Variants in TRIM7 observed in about 807,000 individuals in gnomAD.
TRIM7 encodes tripartite motif containing 7, also known as E3 ubiquitin-protein ligase TRIM7.
TRIM7 carries 32 observed loss-of-function variants against 37.9 expected under a neutral mutation model. That is an observed-to-expected ratio of 0.84 (90% CI 0.64 to 1.13). The LOEUF (loss-of-function observed/expected upper bound fraction) is 1.13, where lower values mean the gene tolerates loss of function less well. TRIM7 is among the 50% of genes most tolerant of loss of function. The pLI is 0.00. For synonymous variants in TRIM7, 351 were observed against 321.3 expected (o/e 1.09, Z -0.99); for missense variants, 732 against 714.0 (o/e 1.03, Z -0.29).
Position 181,199,832 on chromosome 5 carries a change from C to T in TRIM7, c.849+19G>A. 1 of 1,606,790 alleles carries T rather than the reference C, an allele frequency of 6.2e-7. No individual in the cohort carries two copies. Among genetic ancestry groups the T allele is most frequent in the Non-Finnish European group, 8.5e-7 (1 of 1,176,176 alleles). Reference sequence around the variant, plus strand: ...GCCTTAGGATAAATGACTCGAGCCCCTGGCTGAGCCAGACTTACCTGGAGA... The same window carrying T: ...GCCTTAGGATAAATGACTCGAGCCCTTGGCTGAGCCAGACTTACCTGGAGA... On this transcript the variant is annotated intron_variant, in intron 3 of 6. Transcript: ENST00000274773.
chr5:181,195,747 C>T, intron 6 of TRIM7, 70 bp from the exon 7 acceptor site: 1 of 1,490,868 alleles, frequency 6.7e-7, no homozygotes, highest in Non-Finnish European at 8.9e-7. Flanking sequence ...CAGGGCCGCG[C>T]CCGACCTTGC....
intron 1 of TRIM7, chr5:181,204,069 T>A: frequency 2.0e-6 from 2 of 997,910 alleles, no homozygotes; most frequent in Non-Finnish European, 2.4e-6. Flanking sequence ...GCCCCCAGAA[T>A]CGACAGCGTT....
Position 181,205,150 on chromosome 5 carries a change from G to C in TRIM7, c.-40C>G. On this transcript the variant is annotated 5_prime_UTR_variant, in exon 1 of 7. Transcript: ENST00000274773. The stretch of plus-strand genomic sequence containing the variant: ...CACCCAGATCTGGTCGCGCCTGGGC[G>C]GCCACTGGACCTCACAGGACGCGGA... 1.6e-6 allele frequency: 2 copies of C among 1,282,322 alleles called. No homozygotes were observed. The highest frequency in any genetic ancestry group is 3.1e-5 in the African/African-American group (2 of 64,696). 79.4% of individuals were successfully genotyped at this position (1,282,322 alleles called of 1,614,324 possible).
chr5:181,204,318 A>G (rs1201869320), intron 1 of TRIM7: 1 of 1,170,284 alleles, frequency 8.5e-7, no homozygotes, highest in Admixed American at 4.6e-5. Context: ...GAACATCGCC[A>G]AGTCCGTGGG....
chr5:181,200,498 T>C (rs1757416110), intron 2 of TRIM7: 1 of 1,082,642 alleles, frequency 9.2e-7, no homozygotes, highest in Non-Finnish European at 1.1e-6. Context: ...CCTCAAACTT[T>C]TACACTTCAC....
At position 181,195,306 on chromosome 5, in the gene TRIM7, C is replaced by T. The variant is rs145317232; in HGVS notation, c.1396G>A (p.Asp466Asn). ...AAGGACACGGCTCCCACCTCCAGGTCCAGGGCCACCCGCACGCGCGACAGG... is the reference window on the plus strand; with the variant it reads ...AAGGACACGGCTCCCACCTCCAGGTTCAGGGCCACCCGCACGCGCGACAGG... ...GHLSRVRVAL[D>N]LEVGAVSFYA... Residue 466 changes from aspartate to asparagine, a missense_variant, in exon 7 of 7, where the codon GAC becomes AAC. By Grantham distance (23) the Asp-to-Asn change is conservative. Transcript: ENST00000274773. 1 of 1,600,200 alleles carries T rather than the reference C, an allele frequency of 6.2e-7. No individual in the cohort carries two copies. Among genetic ancestry groups the T allele is most frequent in the Non-Finnish European group, 8.5e-7 (1 of 1,173,930 alleles).
At position 181,198,673 on chromosome 5, in the gene TRIM7, G is replaced by A. The variant is rs755343190; in HGVS notation, c.988+17C>T. ...ACCACCGCACTATGTGGCCCAGCTT[G>A]GCGCCCAGGCCCCTACCTTTGAACT... On this transcript the variant is annotated intron_variant, in intron 5 of 6. Coordinates refer to ENST00000274773, the MANE Select transcript of TRIM7 (RefSeq NM_203293.3). 2 of 1,584,266 alleles carry A rather than the reference G, an allele frequency of 1.3e-6. No homozygotes were observed. Among genetic ancestry groups the A allele is most frequent in the African/African-American group, 2.7e-5 (2 of 74,350 alleles).
intron 6 of TRIM7, chr5:181,196,589 T>G (rs936496973): frequency 6.6e-6 from 1 of 152,072 alleles, no homozygotes; most frequent in African/African-American, 2.4e-5. Flanking sequence ...TGGTGTCCTG[T>G]GCCTGTAATT....
intron 2 of TRIM7, 92 bp downstream of exon 2, chr5:181,203,453 C>G (rs746207201): frequency 6.4e-7 from 1 of 1,567,788 alleles, no homozygotes; most frequent in Non-Finnish European, 8.6e-7. Context: ...GGTTCCATAG[C>G]ACACACTCCA....
chr5:181,202,659 C>CG (rs1252523321), intron 2 of TRIM7: 1 of 151,576 alleles, frequency 6.6e-6, no homozygotes, highest in Non-Finnish European at 1.5e-5. Flanking sequence ...CTCTGCCTCC[C>CG]GGGTTCACAC....
Position 181,204,815 on chromosome 5 carries a change from A to G in TRIM7, c.296T>C (p.Val99Ala), listed in dbSNP as rs1757722721. The change falls in exon 1 of 7, where the codon GTG becomes GCG. Residue 99 changes from valine to alanine, a missense_variant. Coordinates refer to ENST00000274773, the MANE Select transcript of TRIM7 (RefSeq NM_203293.3). ...QLRPNRQLAA[V>A]ATLLRRFSLP... ...GCTGAAGCGCCGCAGGAGCGTGGCCACTGCCGCCAGCTGCCGGTTGGGCCG... is the reference window on the plus strand; with the variant it reads ...GCTGAAGCGCCGCAGGAGCGTGGCCGCTGCCGCCAGCTGCCGGTTGGGCCG... 3 of 1,392,154 alleles carry G rather than the reference A, an allele frequency of 2.2e-6. No individual in the cohort carries two copies. Among genetic ancestry groups the G allele is most frequent in the Non-Finnish European group, 2.8e-6 (3 of 1,080,350 alleles). 86.2% of individuals were successfully genotyped at this position (1,392,154 alleles called of 1,614,324 possible). A position where few individuals can be genotyped will look rare whatever the true frequency, so the allele number is the denominator to read the frequency against.
Position 181,194,638 on chromosome 5 carries a change from C to T in TRIM7, c.*528G>A, listed in dbSNP as rs139664372. The T allele has an allele frequency of 1.3e-5, 2 of 152,904 alleles. No homozygotes were observed. Among genetic ancestry groups the T allele is most frequent in the African/African-American group, 4.8e-5 (2 of 41,608 alleles). 9.5% of individuals were successfully genotyped at this position (152,904 alleles called of 1,614,324 possible). On this transcript the variant is annotated 3_prime_UTR_variant, in exon 7 of 7. Transcript: ENST00000274773. The stretch of plus-strand genomic sequence containing the variant: ...TGTCTCCTTCCAGTTCTGGCCCAGA[C>T]TGTCCTCTGAGCTGGGAGCACAGGG...
chr5:181,196,743 G>A (rs1454598520), intron 6 of TRIM7: 1 of 152,228 alleles, frequency 6.6e-6, no homozygotes, highest in East Asian at 1.9e-4. Flanking sequence ...CCCACAGGAA[G>A]TGGATAGCAG....
At chr5:181,201,192 G>C (rs1757464538) in intron 2 of TRIM7, among the ~76,000 whole-genome samples, 1 of 152,196 alleles carries the variant, frequency 6.6e-6, no homozygotes. Context: ...GTTGTAGGGG[G>C]CTGCCCTGTG....
At position 181,195,367 on chromosome 5, in the gene TRIM7, C is replaced by T; in HGVS notation, c.1335G>A (p.Val445=). 6.3e-7 allele frequency: 1 copy of T among 1,579,942 alleles called. No homozygotes were observed. The highest frequency in any genetic ancestry group is 1.3e-5 in the African/African-American group (1 of 74,202). ...LQLNGGQYWA[V]TSPERSPLSC... ...TGAGGGGCGACCGCTCGGGGCTGGTCACGGCCCAGTACTGGCCGCCGTTGA... is the reference window on the plus strand; with the variant it reads ...TGAGGGGCGACCGCTCGGGGCTGGTTACGGCCCAGTACTGGCCGCCGTTGA... Residue 445 remains valine (V), a synonymous_variant, in exon 7 of 7, where the codon GTG becomes GTA. Transcript: ENST00000274773.
chr5:181,198,253 C>T (rs372052282), intron 5 of TRIM7, 35 bp from the exon 6 acceptor site: 55 of 1,611,726 alleles, frequency 3.4e-5, no homozygotes, highest in Admixed American at 3.2e-4. Flanking sequence ...CGTGCATGAG[C>T]GACACGGGAG....
rs145158090 is a variant in TRIM7, at chr5:181,200,387, C to A, written c.619-306G>T. On this transcript the variant is annotated intron_variant, in intron 2 of 6. Coordinates refer to ENST00000274773, the MANE Select transcript of TRIM7 (RefSeq NM_203293.3). ...CCAGAACTACGCCAAGCTGCAGCTT[C>A]CTCACTTGAAAAGCAGAAGGGATAA... 8.9e-5 allele frequency: 123 copies of A among 1,375,514 alleles called. 1 individual carries two copies. In the African/African-American group the frequency reaches 1.3e-3, roughly 15 times the overall value. 85.2% of individuals were successfully genotyped at this position (1,375,514 alleles called of 1,614,324 possible).
rs1226515115 is a variant in TRIM7, at chr5:181,194,839, T to C, written c.*327A>G. 3.8e-6 allele frequency: 1 copy of C among 266,164 alleles called. No individual in the cohort carries two copies. Among genetic ancestry groups the C allele is most frequent in the Non-Finnish European group, 7.1e-6 (1 of 141,452 alleles). 16.5% of individuals were successfully genotyped at this position (266,164 alleles called of 1,614,324 possible). On this transcript the variant is annotated 3_prime_UTR_variant, in exon 7 of 7. Transcript: ENST00000274773. ...AGCAGGACTGGCTTTGACATTGTTTTAGGGAGCCAGGCACCCTTCCCAGTC... is the reference window on the plus strand; with the variant it reads ...AGCAGGACTGGCTTTGACATTGTTTCAGGGAGCCAGGCACCCTTCCCAGTC...
Position 181,204,772 on chromosome 5 carries a change from C to T in TRIM7, c.339G>A (p.Pro113=), listed in dbSNP as rs1322434497. ...LRRFSLPAAA[P]GEHGSQAAAA... Reference sequence around the variant, plus strand: ...CGGCCGCCTGAGACCCGTGCTCTCCCGGGGCAGCCGCGGGCAGGCTGAAGC... The same window carrying T: ...CGGCCGCCTGAGACCCGTGCTCTCCTGGGGCAGCCGCGGGCAGGCTGAAGC... The change falls in exon 1 of 7, where the codon CCG becomes CCA. Residue 113 remains proline, a synonymous_variant. Coordinates refer to ENST00000274773, the MANE Select transcript of TRIM7 (RefSeq NM_203293.3). 2.1e-6 allele frequency: 3 copies of T among 1,435,376 alleles called. No homozygotes were observed. The highest frequency in any genetic ancestry group is 2.8e-5 in the Admixed American group (1 of 35,342). 88.9% of individuals were successfully genotyped at this position (1,435,376 alleles called of 1,614,324 possible).
Sources: gnomAD v4.1 joint callset for allele counts (sites outside exome capture counted in the v4.1 genomes callset) on GRCh38, gnomAD v4.1.1 for gene constraint, MANE v1.5 for transcripts, NCBI Gene and HGNC (gene_info 2026-07-23, HGNC 2026-07-21) for gene names.